REEP3: variants seen among roughly 807,000 people sequenced by gnomAD.
REEP3 encodes the protein receptor expression-enhancing protein 3.
Under a neutral mutation model 41.3 loss-of-function variants are expected in REEP3, and 20 were observed. The ratio of observed to expected loss-of-function variants is 0.48; its 90% CI spans 0.34 to 0.70. REEP3 has a LOEUF of 0.70. Ranked by LOEUF, REEP3 falls within the 30% of genes least tolerant of loss-of-function variation. The pLI is 0.01. For missense variants in REEP3, 271 were observed against 308.8 expected, an observed-to-expected ratio of 0.88 and a Z score of 0.92; for synonymous variants, 104 against 101.8, an observed-to-expected ratio of 1.02 and a Z score of -0.13.
intron 6 of REEP3, among the ~76,000 whole-genome samples, chr10:63,612,297 G>A (rs777254648): frequency 3.9e-5 from 6 of 151,992 alleles, no homozygotes; most frequent in Non-Finnish European, 7.4e-5. Context: ...TCAGCCTTCC[G>A]AGAAGCTGGG....
intron 1 of REEP3, among the ~76,000 whole-genome samples, chr10:63,544,327 G>T (rs1296763910): frequency 2.0e-5 from 3 of 152,224 alleles, no homozygotes; most frequent in African/African-American, 7.2e-5. Context: ...TTTAAGTGAT[G>T]ATTGATATTA....
chr10:63,609,033 A>G (rs936694752), intron 5 of REEP3, among the ~76,000 whole-genome samples: 2 of 152,230 alleles, frequency 1.3e-5, no homozygotes, highest in African/African-American at 2.4e-5. Flanking sequence ...TTAATTCACT[A>G]ATTGACTATC....
intron 2 of REEP3, among the ~76,000 whole-genome samples, chr10:63,579,646 A>G (rs1357437367): frequency 1.3e-5 from 2 of 152,384 alleles, no homozygotes; most frequent in East Asian, 3.9e-4. Context: ...TCTCACAGTA[A>G]TACTTAAACC....
At chr10:63,579,093 C>T (rs890766550) in intron 2 of REEP3, among the ~76,000 whole-genome samples, 21 of 150,280 alleles carry the variant, frequency 1.4e-4, no homozygotes, top group Admixed American at 9.3e-4. Context: ...AGTGCAATGG[C>T]GCATCTCAGC....
intron 2 of REEP3, among the ~76,000 whole-genome samples, chr10:63,581,717 T>C (rs1020330261): frequency 6.6e-6 from 1 of 151,468 alleles, no homozygotes; most frequent in Non-Finnish European, 1.5e-5. Flanking sequence ...CATTCTAGCC[T>C]GGGTGACAGA....
chr10:63,534,409 T>C (rs2393982), intron 1 of REEP3, among the ~76,000 whole-genome samples: 149,975 of 152,232 alleles, frequency 0.99, 73,909 homozygotes, highest in Middle Eastern at 1. Context: ...CACCACCACA[T>C]CCAGCTAATT....
chr10:63,589,397 A>C (rs1956036669), intron 2 of REEP3, among the ~76,000 whole-genome samples: 1 of 152,282 alleles, frequency 6.6e-6, no homozygotes, highest in Admixed American at 6.5e-5. Flanking sequence ...AGACTGGTCT[A>C]TACAGGCTGG....
chr10:63,610,392 C>T (rs550489091), intron 6 of REEP3, 58 bp downstream of exon 6: 2,311 of 1,505,858 alleles, frequency 1.5e-3, no homozygotes, highest in Non-Finnish European at 1.8e-3. Context: ...AGGGGAACAA[C>T]ATACACTGGG....
chr10:63,525,955 A>G (rs754176542), intron 1 of REEP3, among the ~76,000 whole-genome samples: 19 of 152,202 alleles, frequency 1.2e-4, no homozygotes, highest in Non-Finnish European at 2.4e-4. Context: ...GATTAAATAC[A>G]TTACTATATG....
At chr10:63,614,845 A>G (rs1215917052) in intron 6 of REEP3, among the ~76,000 whole-genome samples, 6 of 152,254 alleles carry the variant, frequency 3.9e-5, no homozygotes, top group Non-Finnish European at 8.8e-5. Context: ...AGTAATCATC[A>G]TAATTTATTC....
chr10:63,534,259 T>C (rs963816031), intron 1 of REEP3, among the ~76,000 whole-genome samples: 3 of 152,098 alleles, frequency 2.0e-5, no homozygotes, highest in South Asian at 4.2e-4. Context: ...TATTTTTTTT[T>C]TGTTTTTTAG....
rs1325770874 is a variant in REEP3, at chr10:63,529,954, T to C, written c.32+8377T>C. ...CCACCATGCCCTGCTAATTTCTGTA[T>C]TTTTAGTAGAGACAGCGTTTCACCA... is the stretch of plus-strand genomic sequence containing the variant. On this transcript the variant is annotated intron_variant, in intron 1 of 7. Transcript: ENST00000373758. Among the ~76,000 whole-genome samples the C allele has an allele frequency of 2.7e-5, 4 of 150,156 alleles. No homozygotes were observed. The East Asian group carries it at 5.9e-4, about 22-fold the overall frequency.
chr10:63,521,496 A>T lies in REEP3; in HGVS notation c.-50A>T. ...GCCTGCCGTTGGCGGCCTGGTCCGC[A>T]GCGCCCTGCGCCCACCCGCCCCGGA... On this transcript the variant is annotated 5_prime_UTR_variant, in exon 1 of 8. Transcript: ENST00000373758. 1 of 1,327,060 alleles carries T rather than the reference A, an allele frequency of 7.5e-7. No homozygotes were observed. The highest frequency in any genetic ancestry group is 1.8e-5 in the South Asian group (1 of 56,652). The allele number at this position is 1,327,060 out of a possible 1,614,324, so 82.2% of individuals were successfully genotyped here. A position where few individuals can be genotyped will look rare whatever the true frequency, so the allele number is the denominator to read the frequency against.
chr10:63,553,130 G>A (rs934202391), intron 1 of REEP3, among the ~76,000 whole-genome samples: 16 of 152,046 alleles, frequency 1.1e-4, no homozygotes, highest in Admixed American at 4.6e-4. Flanking sequence ...TTAAAGCCCC[G>A]TTAATGAAAG....
At chr10:63,523,599 G>T (rs897505967) in intron 1 of REEP3, among the ~76,000 whole-genome samples, 1 of 152,082 alleles carries the variant, frequency 6.6e-6, no homozygotes, top group Non-Finnish European at 1.5e-5. Flanking sequence ...TCGTGCCACT[G>T]CACTCCAGCC....
intron 7 of REEP3, among the ~76,000 whole-genome samples, chr10:63,620,551 A>T (rs1485137332): frequency 6.6e-6 from 1 of 152,218 alleles, no homozygotes; most frequent in Non-Finnish European, 1.5e-5. Flanking sequence ...ATCAATGTTC[A>T]TTGACATTGT....
At chr10:63,585,166 A>C (rs941326248) in intron 2 of REEP3, among the ~76,000 whole-genome samples, 3 of 152,184 alleles carry the variant, frequency 2.0e-5, no homozygotes, top group Non-Finnish European at 4.4e-5. Context: ...TTAAAATGTA[A>C]GAGTGGAAGC....
chr10:63,589,260 A>G (rs1308612870), intron 2 of REEP3, among the ~76,000 whole-genome samples: 1 of 152,144 alleles, frequency 6.6e-6, no homozygotes, highest in Non-Finnish European at 1.5e-5. Flanking sequence ...GTAATGAAAA[A>G]TGATTTCTAT....
intron 1 of REEP3, among the ~76,000 whole-genome samples, chr10:63,563,340 G>A: frequency 6.6e-6 from 1 of 152,190 alleles, no homozygotes; most frequent in Non-Finnish European, 1.5e-5. Flanking sequence ...GTAGCAATGA[G>A]CACACTTAGC....
Sources: gnomAD v4.1 joint callset for allele counts (sites outside exome capture counted in the v4.1 genomes callset) on GRCh38, gnomAD v4.1.1 for gene constraint, MANE v1.5 for transcripts, NCBI Gene and HGNC (gene_info 2026-07-23, HGNC 2026-07-21) for gene names.